The following TUSC3 variants were observed in gnomAD, a reference collection of about 807,000 sequenced individuals.
The protein encoded by TUSC3 is tumor suppressor candidate 3.
A neutral mutation model predicts 44.8 loss-of-function variants in TUSC3; 45 were observed. The ratio of observed to expected loss-of-function variants is 1.00; its 90% CI spans 0.79 to 1.29. The LOEUF is 1.29. Ranked by LOEUF, TUSC3 falls within the 50% of genes most tolerant of loss-of-function variation. The pLI, the probability that TUSC3 is intolerant of heterozygous loss-of-function variation, is 0.00. For synonymous variants in TUSC3, 212 were observed against 152.9 expected, an observed-to-expected ratio of 1.39 and a Z score of -2.85; for missense variants, 519 against 437.9, an observed-to-expected ratio of 1.19 and a Z score of -1.65.
chr8:15,809,785 A>C, the TUSC3 span, among the ~76,000 whole-genome samples: 1 of 152,332 alleles, frequency 6.6e-6, no homozygotes, highest in South Asian at 2.1e-4. Context: ...GACTGTAATT[A>C]TATTACTTAA....
At chr8:15,572,184 T>C (rs1181082989) in intron 1 of TUSC3, among the ~76,000 whole-genome samples, 2 of 152,204 alleles carry the variant, frequency 1.3e-5, no homozygotes, top group African/African-American at 4.8e-5. Context: ...ATCCGTTGTT[T>C]AGTATACCCG....
rs143442932 is a variant in TUSC3 at position 15,635,377 on chromosome 8, T to A, written c.308+12128T>A. Among the ~76,000 whole-genome samples, 4 of 152,266 alleles carry A rather than the reference T, an allele frequency of 2.6e-5. No individual in the cohort carries two copies. The East Asian group carries it at 5.8e-4, about 22-fold the overall frequency. ...ATGTTAATTTTTGAGGTGGCTCAAA[T>A]GCATGTCACAATGCTGGATGCTAGC... On this transcript the variant is annotated intron_variant, in intron 2 of 10. Coordinates refer to ENST00000503731, the MANE Select transcript of TUSC3 (RefSeq NM_006765.4).
chr8:15,741,166 CATTTATATGTGT>C (rs1811178758), intron 7 of TUSC3, among the ~76,000 whole-genome samples: 1 of 151,864 alleles, frequency 6.6e-6, no homozygotes, highest in Non-Finnish European at 1.5e-5. Flanking sequence ...TGTACATGTG[CATTTATATGTGT>C]ATAAAATTTG....
At chr8:15,717,092 C>T (rs1260716547) in intron 6 of TUSC3, among the ~76,000 whole-genome samples, 4 of 151,996 alleles carry the variant, frequency 2.6e-5, no homozygotes, top group Middle Eastern at 3.4e-3. Flanking sequence ...TCTGGACTTA[C>T]GACTTGAAAA....
chr8:15,527,684 AGT>A (rs1801393565), intron 2 of TUSC3, among the ~76,000 whole-genome samples: 1 of 152,114 alleles, frequency 6.6e-6, no homozygotes, highest in South Asian at 2.1e-4. Context: ...GGATTATAGG[AGT>A]GAGCCACTGC....
At chr8:15,735,414 AG>A (rs1810886987) in intron 7 of TUSC3, among the ~76,000 whole-genome samples, 1 of 152,238 alleles carries the variant, frequency 6.6e-6, no homozygotes, top group Non-Finnish European at 1.5e-5. Context: ...GGCAATGTTT[AG>A]CCCAAAAAAG....
At chr8:15,790,283 T>C in the TUSC3 span, among the ~76,000 whole-genome samples, 2 of 147,840 alleles carry the variant, frequency 1.4e-5, no homozygotes, top group African/African-American at 5.0e-5. Flanking sequence ...CCTCCCAGGT[T>C]CAAGCGATTC....
intron 1 of TUSC3, among the ~76,000 whole-genome samples, chr8:15,444,362 C>T (rs928200584): frequency 6.6e-6 from 1 of 152,094 alleles, no homozygotes; most frequent in Non-Finnish European, 1.5e-5. Context: ...CTGGACTCAA[C>T]TTCAATACAA....
Position 15,457,863 on chromosome 8 carries a change from A to AT in TUSC3, n.92-25522dup, listed in dbSNP as rs892041549. ...AGATTAATTATCTAATAATTATCTAATAAATTAATTAGATAATTACTAATT... is the reference window on the plus strand; with the variant it reads ...AGATTAATTATCTAATAATTATCTAATTAAATTAATTAGATAATTACTAATT... On this transcript the variant is annotated intron_variant and non_coding_transcript_variant, in intron 1 of 5. Coordinates refer to the TUSC3 transcript ENST00000503191. 3.8e-3 allele frequency among the ~76,000 whole-genome samples: 242 copies of AT among 63,426 alleles called. 1 individual carries two copies. Among genetic ancestry groups the AT allele is most frequent in the Non-Finnish European group, 6.4e-3 (173 of 27,068 alleles). The allele number at this position is 63,426 out of a possible 152,430, so 41.6% of individuals were successfully genotyped here. A position where few individuals can be genotyped will look rare whatever the true frequency, so the allele number is the denominator to read the frequency against.
At chr8:15,811,033 T>C in the TUSC3 span, among the ~76,000 whole-genome samples, 1 of 151,998 alleles carries the variant, frequency 6.6e-6, no homozygotes, top group East Asian at 1.9e-4. Context: ...AGCAAGCTCA[T>C]CAGCAGAGAG....
chr8:15,668,993 A>G (rs961033839), intron 5 of TUSC3, among the ~76,000 whole-genome samples: 3 of 151,750 alleles, frequency 2.0e-5, no homozygotes, highest in East Asian at 1.9e-4. Context: ...GTATTTTGCA[A>G]TCTTGTGAAT....
chr8:15,650,862 C>T (rs201793540), intron 3 of TUSC3, 48 bp downstream of exon 3: 21 of 1,569,622 alleles, frequency 1.3e-5, no homozygotes, highest in African/African-American at 8.1e-5. Flanking sequence ...TGTTTGTGGT[C>T]GATACATTTT....
In TUSC3 at chr8:15,765,998, C is replaced by T. The variant is rs1056666294; in HGVS notation, c.*1842C>T. ...ATATTACAAATTATCTCTAATCTCA[C>T]TGTAAATCTTTTAATCATATCAAAG... On this transcript the variant is annotated 3_prime_UTR_variant, in exon 11 of 11. Transcript: ENST00000503731. 2.6e-5 allele frequency: 4 copies of T among 152,072 alleles called. No individual in the cohort carries two copies. Among genetic ancestry groups the T allele is most frequent in the African/African-American group, 9.7e-5 (4 of 41,416 alleles). 9.4% of individuals were successfully genotyped at this position (152,072 alleles called of 1,614,324 possible).
chr8:15,480,515 T>C (rs545147236), intron 1 of TUSC3, among the ~76,000 whole-genome samples: 62 of 152,324 alleles, frequency 4.1e-4, no homozygotes, highest in African/African-American at 1.5e-3. Context: ...GAAATGTTAA[T>C]AGCAGGAACT....
chr8:15,426,259 C>G (rs1799802528), intron 1 of TUSC3, among the ~76,000 whole-genome samples: 1 of 152,126 alleles, frequency 6.6e-6, no homozygotes, highest in Admixed American at 6.6e-5. Flanking sequence ...GAAAAGAACA[C>G]CTAACATAAA....
At chr8:15,490,941 G>C (rs921282949) in intron 2 of TUSC3, among the ~76,000 whole-genome samples, 8 of 152,152 alleles carry the variant, frequency 5.3e-5, no homozygotes, top group Admixed American at 5.2e-4. Flanking sequence ...AAATTACAGT[G>C]CTCCATGCTT....
intron 1 of TUSC3, among the ~76,000 whole-genome samples, chr8:15,582,966 C>G (rs1265571190): frequency 6.6e-6 from 1 of 152,152 alleles, no homozygotes; most frequent in African/African-American, 2.4e-5. Flanking sequence ...CTTCCCAAAT[C>G]AAATCTTACA....
intron 5 of TUSC3, among the ~76,000 whole-genome samples, chr8:15,671,554 A>G (rs1807947350): frequency 6.6e-6 from 1 of 152,038 alleles, no homozygotes; most frequent in Non-Finnish European, 1.5e-5. Flanking sequence ...ATTTGCCACT[A>G]CTTCAGATGA....
chr8:15,663,417 G>A (rs1807514580), intron 5 of TUSC3, among the ~76,000 whole-genome samples: 1 of 151,684 alleles, frequency 6.6e-6, no homozygotes, highest in East Asian at 1.9e-4. Flanking sequence ...TCTTGCAGTA[G>A]CCCTTCATCC....
Sources: gnomAD v4.1 joint callset for allele counts (sites outside exome capture counted in the v4.1 genomes callset) on GRCh38, gnomAD v4.1.1 for gene constraint, MANE v1.5 for transcripts, NCBI Gene and HGNC (gene_info 2026-07-23, HGNC 2026-07-21) for gene names.